STIM1: variants seen among roughly 807,000 people sequenced by gnomAD.
The protein encoded by STIM1 is stromal interaction molecule 1.
STIM1 carries 25 observed loss-of-function variants against 74.7 expected under a neutral mutation model. The ratio of observed to expected loss-of-function variants is 0.33; its 90% confidence interval spans 0.24 to 0.47. The LOEUF (loss-of-function observed/expected upper bound fraction) is 0.47. Among genes scored for constraint, STIM1 ranks in the 20% least tolerant of loss-of-function variants. STIM1 has a pLI of 1.00. For synonymous variants in STIM1, 328 were observed against 348.8 expected (o/e 0.94, Z 0.66); for missense variants, 728 against 920.8 (o/e 0.79, Z 2.71).
intron 2 of STIM1, among the ~76,000 whole-genome samples, chr11:3,986,799 T>G (rs1251012286): frequency 6.6e-6 from 1 of 152,236 alleles, no homozygotes; most frequent in East Asian, 1.9e-4. Flanking sequence ...CTTCAATGGC[T>G]GATGTGAGGC....
At chr11:3,943,717 C>T (rs2093038289) in intron 1 of STIM1, among the ~76,000 whole-genome samples, 1 of 152,174 alleles carries the variant, frequency 6.6e-6, no homozygotes, top group Admixed American at 6.5e-5. Context: ...GCCTGGGCAA[C>T]AGGAGAGACT....
chr11:3,897,416 T>G (rs1296194405), intron 1 of STIM1, among the ~76,000 whole-genome samples: 1 of 152,244 alleles, frequency 6.6e-6, no homozygotes, highest in African/African-American at 2.4e-5. Flanking sequence ...TATTCTCTAC[T>G]ACTTTTGGGT....
chr11:4,064,214 C>T (rs2094350681), intron 5 of STIM1, among the ~76,000 whole-genome samples: 1 of 152,088 alleles, frequency 6.6e-6, no homozygotes, highest in Non-Finnish European at 1.5e-5. Flanking sequence ...TTGAAAATCG[C>T]CGGCTGGAAT....
At chr11:3,989,549 C>T (rs1833654762) in intron 2 of STIM1, 16 of 552,308 alleles carry the variant, frequency 2.9e-5, no homozygotes, top group East Asian at 4.0e-5. Flanking sequence ...TGGTCGCTGC[C>T]GCTCCTCCCG....
At chr11:4,021,113 A>G (rs986740852) in intron 2 of STIM1, among the ~76,000 whole-genome samples, 1 of 150,446 alleles carries the variant, frequency 6.6e-6, no homozygotes, top group Non-Finnish European at 1.5e-5. Context: ...CCATTTATCT[A>G]TTTTTGTATT....
intron 1 of STIM1, among the ~76,000 whole-genome samples, chr11:3,869,088 C>T (rs1044781239): frequency 1.3e-5 from 2 of 152,248 alleles, no homozygotes; most frequent in South Asian, 4.2e-4. Context: ...CCTGCCTCAG[C>T]CTCCCGAGTA....
At chr11:4,040,094 T>C (rs1015697081) in intron 3 of STIM1, among the ~76,000 whole-genome samples, 1 of 152,006 alleles carries the variant, frequency 6.6e-6, no homozygotes, top group Non-Finnish European at 1.5e-5. Context: ...ATCTTGAGAG[T>C]TTATTTATAT....
chr11:3,910,315 T>C (rs1270871499), intron 1 of STIM1, among the ~76,000 whole-genome samples: 2 of 152,206 alleles, frequency 1.3e-5, no homozygotes, highest in Non-Finnish European at 2.9e-5. Flanking sequence ...TTAGGGACTC[T>C]AGGCAGATGT....
At chr11:3,965,327 T>C (rs535024532) in intron 1 of STIM1, among the ~76,000 whole-genome samples, 2 of 152,374 alleles carry the variant, frequency 1.3e-5, no homozygotes, top group Admixed American at 6.5e-5. Flanking sequence ...ATCCTTTCTA[T>C]CATGGCACTT....
At chr11:3,916,201 A>G (rs1311808642) in intron 1 of STIM1, among the ~76,000 whole-genome samples, 3 of 152,108 alleles carry the variant, frequency 2.0e-5, no homozygotes, top group South Asian at 2.1e-4. Flanking sequence ...TATTTAGGTC[A>G]TTGATCCACT....
intron 1 of STIM1, among the ~76,000 whole-genome samples, chr11:3,900,178 T>C (rs1590544718): frequency 6.6e-6 from 1 of 152,170 alleles, no homozygotes; most frequent in Non-Finnish European, 1.5e-5. Context: ...CCTTGCAGTT[T>C]GATCTCAGAC....
At chr11:3,881,873 T>C (rs7118295) in intron 1 of STIM1, among the ~76,000 whole-genome samples, 40,264 of 151,072 alleles carry the variant, frequency 0.27, 6,055 homozygotes, top group South Asian at 0.41. Flanking sequence ...GGGTTCGCCA[T>C]GTTGGCCAAG....
intron 3 of STIM1, among the ~76,000 whole-genome samples, chr11:4,035,877 A>C (rs1429718165): frequency 6.8e-6 from 1 of 147,204 alleles, no homozygotes; most frequent in Non-Finnish European, 1.5e-5. Context: ...TCAACTTTTA[A>C]GTTCCAGGGT....
chr11:4,033,357 A>G (rs547678087), intron 3 of STIM1, among the ~76,000 whole-genome samples: 1 of 152,198 alleles, frequency 6.6e-6, no homozygotes, highest in African/African-American at 2.4e-5. Context: ...TTTTGGTTCC[A>G]TATGAACTTT....
intron 1 of STIM1, among the ~76,000 whole-genome samples, chr11:3,927,792 T>A (rs1264320636): frequency 6.6e-6 from 1 of 152,220 alleles, no homozygotes; most frequent in Non-Finnish European, 1.5e-5. Context: ...CACTTCTCCT[T>A]GTAAGTCTGA....
Position 4,047,981 on chromosome 11 carries a change from G to A in STIM1, c.386-7545G>A, listed in dbSNP as rs542451971. Reference sequence around the variant, plus strand: ...CTGAAGGTGCGTGCCACCACGCCCCGCTAATTTTTTTGTATTTTTAGTAGA... The same window carrying A: ...CTGAAGGTGCGTGCCACCACGCCCCACTAATTTTTTTGTATTTTTAGTAGA... On this transcript the variant is annotated intron_variant, in intron 3 of 12. Transcript: ENST00000526596. Among the ~76,000 whole-genome samples the A allele has an allele frequency of 4.6e-5, 7 of 152,188 alleles. No homozygotes were observed. The South Asian group carries it at 1.2e-3, about 27-fold the overall frequency.
chr11:4,090,664 G>C (rs1306906315), intron 12 of STIM1, among the ~76,000 whole-genome samples: 1 of 152,244 alleles, frequency 6.6e-6, no homozygotes, highest in Non-Finnish European at 1.5e-5. Flanking sequence ...ACAGGAGTAA[G>C]TGGGGAAGGA....
At chr11:4,069,227 G>A (rs2094388014) in intron 5 of STIM1, among the ~76,000 whole-genome samples, 1 of 152,168 alleles carries the variant, frequency 6.6e-6, no homozygotes, top group South Asian at 2.1e-4. Context: ...TTTTTAGGAT[G>A]TGGCTTTTGC....
chr11:4,002,443 C>T (rs1216301467), intron 2 of STIM1, among the ~76,000 whole-genome samples: 2 of 152,186 alleles, frequency 1.3e-5, no homozygotes, highest in Non-Finnish European at 2.9e-5. Flanking sequence ...TCACTCAGAA[C>T]TGCTCAATTA....
Sources: allele counts gnomAD v4.1 joint callset (sites outside exome capture counted in the v4.1 genomes callset), GRCh38; gene constraint gnomAD v4.1.1; transcripts MANE v1.5; gene names NCBI Gene and HGNC (gene_info 2026-07-23, HGNC 2026-07-21).